The following ACTR3C variants were observed in gnomAD, a reference collection of about 807,000 sequenced individuals.
ACTR3C encodes the protein actin related protein 3C.
Under a neutral mutation model 26.3 loss-of-function variants are expected in ACTR3C, and 18 were observed. That is an observed-to-expected ratio of 0.68 (90% confidence interval 0.47 to 1.01). ACTR3C has a LOEUF of 1.01. ACTR3C is among the 50% of genes least tolerant of loss of function. ACTR3C has a pLI of 0.00. For synonymous variants in ACTR3C, 55 were observed against 94.5 expected, an observed-to-expected ratio of 0.58 and a Z score of 2.42; for missense variants, 184 against 250.7, an observed-to-expected ratio of 0.73 and a Z score of 1.80.
chr7:150,115,812 G>C, the ACTR3C span, among the ~76,000 whole-genome samples: 2 of 152,180 alleles, frequency 1.3e-5, no homozygotes, highest in East Asian at 1.9e-4. Context: ...TTCAGCAAAG[G>C]CTGGCCGATA....
At chr7:150,303,813 T>G in intron 1 of ACTR3C, among the ~76,000 whole-genome samples, 1 of 152,212 alleles carries the variant, frequency 6.6e-6, no homozygotes, top group South Asian at 2.1e-4. Flanking sequence ...AGTGCAGCAG[T>G]GAGAAGAAGA....
chr7:149,932,004 A>G, the ACTR3C span, among the ~76,000 whole-genome samples: 2 of 152,234 alleles, frequency 1.3e-5, no homozygotes, highest in African/African-American at 4.8e-5. Context: ...TAAATCTAAC[A>G]GTTATATCCA....
the ACTR3C span, among the ~76,000 whole-genome samples, chr7:150,040,964 A>C: frequency 6.7e-6 from 1 of 150,338 alleles, no homozygotes; most frequent in African/African-American, 2.5e-5. Context: ...AAGCCCTCAA[A>C]TAGGGAGGCC....
At chr7:149,924,432 C>T in the ACTR3C span, among the ~76,000 whole-genome samples, 4 of 151,938 alleles carry the variant, frequency 2.6e-5, no homozygotes, top group Non-Finnish European at 5.9e-5. Flanking sequence ...TAAGTGAAAA[C>T]AAACAAACAA....
the ACTR3C span, among the ~76,000 whole-genome samples, chr7:150,082,941 T>C: frequency 2.0e-5 from 2 of 98,382 alleles, no homozygotes; most frequent in Admixed American, 1.0e-4. Flanking sequence ...TTTCTTTTTT[T>C]TTTTTCTTTT....
chr7:150,168,457 AC>A, the ACTR3C span, among the ~76,000 whole-genome samples: 1 of 150,628 alleles, frequency 6.6e-6, no homozygotes, highest in East Asian at 1.9e-4. Context: ...TTGCAGGAAA[AC>A]CAGCTCAGGG....
chr7:150,296,875 CAG>C (rs1235135011), intron 1 of ACTR3C, among the ~76,000 whole-genome samples: 1 of 147,764 alleles, frequency 6.8e-6, no homozygotes, highest in Non-Finnish European at 1.5e-5. Context: ...TACGCTCACA[CAG>C]GGGAAAGGCA....
the ACTR3C span, among the ~76,000 whole-genome samples, chr7:150,160,213 A>C: frequency 6.6e-6 from 1 of 152,194 alleles, no homozygotes; most frequent in East Asian, 1.9e-4. Flanking sequence ...CTGCAATTCG[A>C]TAAAGAGTTT....
At chr7:149,959,234 C>A in the ACTR3C span, among the ~76,000 whole-genome samples, 1,902 of 148,004 alleles carry the variant, frequency 0.013, 25 homozygotes, top group Middle Eastern at 0.031. Context: ...CCCCCACCCC[C>A]ACAATCTCCT....
chr7:150,003,676 AGT>A, the ACTR3C span, among the ~76,000 whole-genome samples: 327 of 149,242 alleles, frequency 2.2e-3, no homozygotes, highest in African/African-American at 7.9e-3. Context: ...TATATAGTGC[AGT>A]GTGTGTGGTG....
At chr7:150,230,208 G>A in the ACTR3C span, among the ~76,000 whole-genome samples, 3 of 151,686 alleles carry the variant, frequency 2.0e-5, no homozygotes, top group African/African-American at 7.3e-5. Flanking sequence ...CTGGGTCACA[G>A]GGCAAGACTC....
At chr7:150,314,737 C>G (rs1460043123) in intron 1 of ACTR3C, among the ~76,000 whole-genome samples, 1 of 149,472 alleles carries the variant, frequency 6.7e-6, no homozygotes, top group Non-Finnish European at 1.5e-5. Context: ...GAGCCCAAGA[C>G]CAGCCTGAGC....
chr7:150,301,244 G>A (rs1795422303), intron 1 of ACTR3C, among the ~76,000 whole-genome samples: 2 of 152,310 alleles, frequency 1.3e-5, no homozygotes, highest in Admixed American at 1.3e-4. Context: ...CTGAGTAGAG[G>A]TGGGGAAGTA....
chr7:150,199,992 G>A, the ACTR3C span, among the ~76,000 whole-genome samples: 2 of 152,158 alleles, frequency 1.3e-5, no homozygotes, highest in African/African-American at 4.8e-5. Context: ...CATAATTACA[G>A]CTAATGAGAA....
the ACTR3C span, chr7:150,040,373 A>C: frequency 6.7e-6 from 1 of 148,206 alleles, no homozygotes; most frequent in Admixed American, 6.6e-5. Context: ...GGGTAGCCCC[A>C]GGGCTGGGGC....
chr7:149,978,093 G>T, the ACTR3C span, among the ~76,000 whole-genome samples: 71 of 151,850 alleles, frequency 4.7e-4, 1 homozygote, highest in South Asian at 0.014. Context: ...TGCCTGTGTG[G>T]AAGAGTTTTG....
At chr7:149,938,960 T>A in the ACTR3C span, among the ~76,000 whole-genome samples, 1 of 128,896 alleles carries the variant, frequency 7.8e-6, no homozygotes, top group Non-Finnish European at 1.7e-5. Context: ...TATATAAAAA[T>A]ATATTATATA....
At chr7:150,233,677 T>G in the ACTR3C span, among the ~76,000 whole-genome samples, 3 of 151,410 alleles carry the variant, frequency 2.0e-5, no homozygotes, top group Non-Finnish European at 4.4e-5. Flanking sequence ...TTCCTTTTGA[T>G]TGTTTCCTAG....
At chr7:149,983,602 A>C in the ACTR3C span, among the ~76,000 whole-genome samples, 1 of 151,056 alleles carries the variant, frequency 6.6e-6, no homozygotes, top group East Asian at 2.0e-4. Flanking sequence ...ACCACCATAT[A>C]ATCCAACAAT....
Sources: allele counts gnomAD v4.1 joint callset (sites outside exome capture counted in the v4.1 genomes callset), GRCh38; gene constraint gnomAD v4.1.1; transcripts MANE v1.5; gene names NCBI Gene and HGNC (gene_info 2026-07-23, HGNC 2026-07-21).